Variants in PPM1L observed in about 807,000 individuals in gnomAD.
The protein encoded by PPM1L is protein phosphatase, Mg2+/Mn2+ dependent 1L, also known as protein phosphatase 1L.
A neutral mutation model predicts 31.4 loss-of-function variants in PPM1L; 13 were observed. That is an observed-to-expected ratio of 0.41 (90% CI 0.27 to 0.66). The LOEUF is 0.66. Ranked by LOEUF, PPM1L falls within the 30% of genes least tolerant of loss-of-function variation. PPM1L has a pLI of 0.29. For synonymous variants in PPM1L, 184 were observed against 175.4 expected, an observed-to-expected ratio of 1.05 and a Z score of -0.39; for missense variants, 326 against 453.7, an observed-to-expected ratio of 0.72 and a Z score of 2.56.
chr3:161,012,400 T>C (rs949210412), intron 2 of PPM1L, among the ~76,000 whole-genome samples: 4 of 152,336 alleles, frequency 2.6e-5, no homozygotes, highest in Admixed American at 2.6e-4. Context: ...CTTTTTGATG[T>C]GCCACTGGAT....
At chr3:161,053,881 C>A (rs1719341378) in intron 2 of PPM1L, among the ~76,000 whole-genome samples, 1 of 152,128 alleles carries the variant, frequency 6.6e-6, no homozygotes. Context: ...TCATATTCAT[C>A]CAGTGTCAAA....
chr3:160,833,849 A>G (rs1000436791), intron 1 of PPM1L, among the ~76,000 whole-genome samples: 8 of 151,666 alleles, frequency 5.3e-5, no homozygotes, highest in African/African-American at 1.9e-4. Context: ...ATCTTTGCCT[A>G]TGCCTATGTC....
At chr3:161,049,819 C>A (rs574109120) in intron 2 of PPM1L, among the ~76,000 whole-genome samples, 20 of 152,280 alleles carry the variant, frequency 1.3e-4, no homozygotes, top group Admixed American at 3.3e-4. Context: ...ACCAGCCCTG[C>A]CCTCCATCAG....
intron 1 of PPM1L, among the ~76,000 whole-genome samples, chr3:160,912,195 G>A (rs970475914): frequency 6.6e-6 from 1 of 152,144 alleles, no homozygotes; most frequent in Non-Finnish European, 1.5e-5. Context: ...GCTCCGTCCT[G>A]GGCCCAGTGA....
At chr3:160,909,617 G>A (rs1315719972) in intron 1 of PPM1L, among the ~76,000 whole-genome samples, 3 of 152,096 alleles carry the variant, frequency 2.0e-5, no homozygotes, top group Non-Finnish European at 2.9e-5. Flanking sequence ...CTTAAGGAGG[G>A]AGTTTAGCGT....
intron 1 of PPM1L, among the ~76,000 whole-genome samples, chr3:160,829,015 A>G (rs1348080207): frequency 6.6e-6 from 1 of 152,116 alleles, no homozygotes; most frequent in African/African-American, 2.4e-5. Context: ...ACAAGTAAGC[A>G]ATAATTTCAG....
chr3:160,955,689 C>T (rs1715749174), intron 1 of PPM1L, among the ~76,000 whole-genome samples: 1 of 146,756 alleles, frequency 6.8e-6, no homozygotes, highest in East Asian at 2.0e-4. Flanking sequence ...CTCGCTCTGT[C>T]GCCCAGGTTG....
chr3:160,931,433 C>CTA (rs1318418489), intron 1 of PPM1L, among the ~76,000 whole-genome samples: 1 of 152,222 alleles, frequency 6.6e-6, no homozygotes, highest in Non-Finnish European at 1.5e-5. Context: ...TACTGAACAC[C>CTA]TACTATTTTT....
At position 160,897,042 on chromosome 3, in the gene PPM1L, CTT is replaced by C. The variant is rs11298068; in HGVS notation, c.400-64676_400-64675del. Among the ~76,000 whole-genome samples, 285 of 107,402 alleles carry C rather than the reference CTT, an allele frequency of 2.7e-3. 1 individual carries two copies. The highest frequency in any genetic ancestry group is 3.2e-3 in the Non-Finnish European group (163 of 51,282). The allele number at this position is 107,402 out of a possible 152,430, so 70.5% of individuals were successfully genotyped here. A position where few individuals can be genotyped will look rare whatever the true frequency, so the allele number is the denominator to read the frequency against. On this transcript the variant is annotated intron_variant, in intron 1 of 3. Coordinates refer to ENST00000498165, the MANE Select transcript of PPM1L (RefSeq NM_139245.4). ...GCTGACATTTCTATGACTACTGACT[CTT>C]TTTTTTTTTTTTTTTTTGAGATGGA...
In PPM1L at chr3:160,988,509, C is replaced by T. The variant is rs1207400885; in HGVS notation, c.574+26599C>T. Among the ~76,000 whole-genome samples the T allele has an allele frequency of 2.0e-5, 3 of 152,178 alleles. No individual in the cohort carries two copies. In the East Asian group the frequency reaches 5.8e-4, roughly 29 times the overall value. ...GAGTGAAACATTTTTCCTCTGAGAT[C>T]CTCAAGCTGCTTAACTGATCAGCTT... On this transcript the variant is annotated intron_variant, in intron 2 of 3. Coordinates refer to ENST00000498165, the MANE Select transcript of PPM1L (RefSeq NM_139245.4).
chr3:161,001,900 A>G (rs893757764), intron 2 of PPM1L, among the ~76,000 whole-genome samples: 1 of 152,110 alleles, frequency 6.6e-6, no homozygotes, highest in South Asian at 2.1e-4. Flanking sequence ...GGTTAGTTAC[A>G]TATGTATACA....
At chr3:160,917,523 A>G (rs1714227988) in intron 1 of PPM1L, among the ~76,000 whole-genome samples, 1 of 152,198 alleles carries the variant, frequency 6.6e-6, no homozygotes, top group Non-Finnish European at 1.5e-5. Context: ...TGGTTCAGGC[A>G]CAGCATAATT....
At chr3:160,978,509 T>C (rs1406835648) in intron 2 of PPM1L, among the ~76,000 whole-genome samples, 1 of 152,168 alleles carries the variant, frequency 6.6e-6, no homozygotes, top group East Asian at 1.9e-4. Flanking sequence ...GCCCATCTTA[T>C]GGTCATTTCT....
intron 1 of PPM1L, among the ~76,000 whole-genome samples, chr3:160,771,093 A>T (rs1715243058): frequency 6.6e-6 from 1 of 152,224 alleles, no homozygotes. Flanking sequence ...CAAAGAATAA[A>T]GTATATGTAT....
At chr3:160,896,250 T>G (rs925360603) in intron 1 of PPM1L, among the ~76,000 whole-genome samples, 7 of 152,308 alleles carry the variant, frequency 4.6e-5, no homozygotes, top group African/African-American at 1.4e-4. Context: ...TTAAACGCCT[T>G]CTAGTATGTA....
chr3:161,045,576 G>A (rs1343083263), intron 2 of PPM1L, among the ~76,000 whole-genome samples: 3 of 152,088 alleles, frequency 2.0e-5, no homozygotes, highest in Admixed American at 6.5e-5. Context: ...AAACCAATGA[G>A]AACAAAGACA....
chr3:160,773,243 A>G (rs1168366997), intron 1 of PPM1L, among the ~76,000 whole-genome samples: 4 of 152,236 alleles, frequency 2.6e-5, no homozygotes, highest in Non-Finnish European at 4.4e-5. Context: ...TTTTCCTCAT[A>G]ACTAATGATA....
intron 1 of PPM1L, among the ~76,000 whole-genome samples, chr3:160,773,931 G>C (rs1208432762): frequency 6.6e-6 from 1 of 151,994 alleles, no homozygotes; most frequent in Non-Finnish European, 1.5e-5. Flanking sequence ...TCCTTCATGA[G>C]TCTGGGTTTC....
chr3:160,927,586 A>G (rs918574952), intron 1 of PPM1L, among the ~76,000 whole-genome samples: 2 of 151,928 alleles, frequency 1.3e-5, no homozygotes, highest in African/African-American at 4.8e-5. Flanking sequence ...TCTCGATTTC[A>G]TGAGATCTTT....
Sources: allele counts gnomAD v4.1 joint callset (sites outside exome capture counted in the v4.1 genomes callset), GRCh38; gene constraint gnomAD v4.1.1; transcripts MANE v1.5; gene names NCBI Gene and HGNC (gene_info 2026-07-23, HGNC 2026-07-21).